CACNA2D3: variants seen among roughly 807,000 people sequenced by gnomAD.
CACNA2D3 encodes the protein voltage-dependent calcium channel subunit alpha-2/delta-3.
Under a neutral mutation model 160.6 loss-of-function variants are expected in CACNA2D3, and 60 were observed. The observed-to-expected ratio is 0.37, with a 90% CI of 0.30 to 0.46. CACNA2D3 has a LOEUF of 0.46. CACNA2D3 is among the 20% of genes least tolerant of loss of function. The pLI is 1.00. For synonymous variants in CACNA2D3, 558 were observed against 492.9 expected (o/e 1.13, Z -1.75); for missense variants, 1,205 against 1,365.0 (o/e 0.88, Z 1.85).
intron 2 of CACNA2D3, among the ~76,000 whole-genome samples, chr3:54,277,901 G>T (rs938222866): frequency 6.6e-6 from 1 of 152,144 alleles, no homozygotes; most frequent in Non-Finnish European, 1.5e-5. Flanking sequence ...TTGTGAATGG[G>T]AGTTCCCTCA....
intron 2 of CACNA2D3, among the ~76,000 whole-genome samples, chr3:54,303,818 G>GTTTTTTGTTTTGTTT (rs59534343): frequency 8.7e-6 from 1 of 115,000 alleles, no homozygotes; most frequent in Non-Finnish European, 1.7e-5. Flanking sequence ...CTTTTTTTCT[G>GTTTTTTGTTTTGTTT]TTTTTTTTTT....
intron 4 of CACNA2D3, among the ~76,000 whole-genome samples, chr3:54,424,096 C>CTG (rs139815622): frequency 3.5e-4 from 53 of 151,278 alleles, no homozygotes; most frequent in Admixed American, 3.0e-3. Flanking sequence ...TGGGTAGTGT[C>CTG]TGTGTGTGTG....
chr3:54,861,351 G>A (rs1368169870), intron 17 of CACNA2D3, among the ~76,000 whole-genome samples: 2 of 152,128 alleles, frequency 1.3e-5, no homozygotes, highest in East Asian at 3.9e-4. Context: ...GAGGCCTGAA[G>A]GCAAGAACGA....
intron 28 of CACNA2D3, among the ~76,000 whole-genome samples, chr3:54,968,857 G>C (rs1166853428): frequency 1.3e-5 from 2 of 152,128 alleles, no homozygotes; most frequent in Non-Finnish European, 2.9e-5. Context: ...ACTTACTTGT[G>C]AATCTCATTA....
At chr3:54,556,157 C>T (rs1257397512) in intron 5 of CACNA2D3, among the ~76,000 whole-genome samples, 2 of 152,170 alleles carry the variant, frequency 1.3e-5, no homozygotes, top group African/African-American at 4.8e-5. Flanking sequence ...TGTTCACGTT[C>T]TGATCTCCAG....
chr3:54,856,302 C>G (rs1458445128), intron 17 of CACNA2D3, among the ~76,000 whole-genome samples: 2 of 152,300 alleles, frequency 1.3e-5, no homozygotes, highest in East Asian at 3.9e-4. Flanking sequence ...CACTGGGTAG[C>G]TAGGGAAGGC....
chr3:54,446,555 G>C (rs1447175748), intron 4 of CACNA2D3, among the ~76,000 whole-genome samples: 2 of 152,126 alleles, frequency 1.3e-5, no homozygotes, highest in East Asian at 1.9e-4. Context: ...ACCCAGAATT[G>C]ATGGGTATTC....
chr3:54,635,282 G>A (rs1384934949), intron 10 of CACNA2D3, among the ~76,000 whole-genome samples: 6 of 151,964 alleles, frequency 3.9e-5, no homozygotes, highest in African/African-American at 7.3e-5. Context: ...TCTGATTAGA[G>A]AGTGCCTAAG....
At chr3:54,269,186 C>T (rs73089644) in intron 2 of CACNA2D3, among the ~76,000 whole-genome samples, 10,438 of 152,032 alleles carry the variant, frequency 0.069, 509 homozygotes, top group Non-Finnish European at 0.1. Flanking sequence ...GAAAGAGGCC[C>T]CACCTGGATT....
At chr3:54,423,321 G>A (rs1699865949) in intron 4 of CACNA2D3, among the ~76,000 whole-genome samples, 1 of 151,988 alleles carries the variant, frequency 6.6e-6, no homozygotes, top group African/African-American at 2.4e-5. Flanking sequence ...TGAATTAGAG[G>A]GTAAATATTC....
intron 3 of CACNA2D3, among the ~76,000 whole-genome samples, chr3:54,379,198 T>C (rs1699059955): frequency 6.6e-6 from 1 of 152,246 alleles, no homozygotes; most frequent in Non-Finnish European, 1.5e-5. Flanking sequence ...GCTTTTATAA[T>C]CCACTTTGAA....
intron 29 of CACNA2D3, among the ~76,000 whole-genome samples, chr3:54,981,836 C>A (rs1702515248): frequency 6.6e-6 from 1 of 152,218 alleles, no homozygotes; most frequent in Non-Finnish European, 1.5e-5. Context: ...CATTGTTAAT[C>A]CAACCTCTGA....
At chr3:54,349,023 C>T (rs1464948061) in intron 3 of CACNA2D3, among the ~76,000 whole-genome samples, 4 of 152,128 alleles carry the variant, frequency 2.6e-5, no homozygotes, top group East Asian at 1.9e-4. Flanking sequence ...CCACTGCGCC[C>T]GTCCGACTGT....
intron 11 of CACNA2D3, among the ~76,000 whole-genome samples, chr3:54,714,969 A>G (rs1203863220): frequency 6.6e-6 from 1 of 152,196 alleles, no homozygotes. Flanking sequence ...TCCACACACC[A>G]AGCAATCAAC....
rs144899127 is a variant in CACNA2D3, at chr3:54,869,777, G to A, written c.1627-1762G>A. On this transcript the variant is annotated intron_variant, in intron 17 of 37. Transcript: ENST00000474759. ...GCTGCTGACAACTCCGGTTGACCTCGTTGCTGTTCTTTTCTGTTCAGCCCA... is the reference window on the plus strand; with the variant it reads ...GCTGCTGACAACTCCGGTTGACCTCATTGCTGTTCTTTTCTGTTCAGCCCA... Among the ~76,000 whole-genome samples, 223 of 152,322 alleles carry A rather than the reference G, an allele frequency of 1.5e-3. 4 individuals are homozygous for A. The East Asian group carries it at 0.021, about 14-fold the overall frequency.
chr3:54,639,109 G>A (rs987755177), intron 10 of CACNA2D3: 5 of 151,572 alleles, frequency 3.3e-5, no homozygotes, highest in African/African-American at 1.2e-4. Flanking sequence ...ATAAGGGATT[G>A]GGGCACAGAG....
chr3:54,626,156 A>C (rs764091660), intron 9 of CACNA2D3: 31 of 659,688 alleles, frequency 4.7e-5, no homozygotes, highest in Middle Eastern at 4.0e-4. Flanking sequence ...AAGCAAGGGG[A>C]GTCTCACGAT....
chr3:54,425,432 C>G (rs1410332799), intron 4 of CACNA2D3, among the ~76,000 whole-genome samples: 1 of 152,228 alleles, frequency 6.6e-6, no homozygotes, highest in Non-Finnish European at 1.5e-5. Flanking sequence ...GTTACTAACT[C>G]CTCTGATACA....
At chr3:54,676,718 G>A (rs1014818559) in intron 11 of CACNA2D3, among the ~76,000 whole-genome samples, 2 of 152,146 alleles carry the variant, frequency 1.3e-5, no homozygotes, top group Non-Finnish European at 2.9e-5. Context: ...GGGGAAGGTC[G>A]GAGGTGCACT....
Sources: gnomAD v4.1 joint callset for allele counts (sites outside exome capture counted in the v4.1 genomes callset) on GRCh38, gnomAD v4.1.1 for gene constraint, MANE v1.5 for transcripts, NCBI Gene and HGNC (gene_info 2026-07-23, HGNC 2026-07-21) for gene names.